MLLT3: variants seen among roughly 807,000 people sequenced by gnomAD.
The protein encoded by MLLT3 is protein AF-9.
Under a neutral mutation model 53.2 loss-of-function variants are expected in MLLT3, and 4 were observed. The observed-to-expected ratio is 0.08, with a 90% CI of 0.04 to 0.17. The LOEUF (loss-of-function observed/expected upper bound fraction) is 0.17, where lower values mean the gene tolerates loss of function less well. Among genes scored for constraint, MLLT3 ranks in the 10% least tolerant of loss-of-function variants. MLLT3 has a pLI of 1.00. For synonymous variants in MLLT3, 283 were observed against 230.6 expected (o/e 1.23, Z -2.06); for missense variants, 569 against 684.0 (o/e 0.83, Z 1.87).
chr9:20,411,695 T>C (rs1822732199), intron 5 of MLLT3: 3 of 152,190 alleles, frequency 2.0e-5, no homozygotes, highest in Admixed American at 6.5e-5. Flanking sequence ...CTTTTCAAGG[T>C]ATACTTTGAA....
intron 2 of MLLT3, among the ~76,000 whole-genome samples, chr9:20,593,961 G>A (rs1820189083): frequency 6.8e-6 from 1 of 146,098 alleles, no homozygotes; most frequent in Non-Finnish European, 1.5e-5. Flanking sequence ...TTTTTTCTGA[G>A]AGGGAGTCTT....
intron 2 of MLLT3, among the ~76,000 whole-genome samples, chr9:20,548,049 G>A: frequency 6.6e-6 from 1 of 152,142 alleles, no homozygotes; most frequent in East Asian, 1.9e-4. Flanking sequence ...CTTGTATCTA[G>A]AGTCCAAAAA....
At chr9:20,444,082 T>C (rs1244091483) in intron 4 of MLLT3, among the ~76,000 whole-genome samples, 1 of 152,226 alleles carries the variant, frequency 6.6e-6, no homozygotes, top group Non-Finnish European at 1.5e-5. Flanking sequence ...AAAGCTCATC[T>C]TCTTTCATCT....
chr9:20,494,762 T>C (rs1472367166), intron 2 of MLLT3, among the ~76,000 whole-genome samples: 1 of 152,170 alleles, frequency 6.6e-6, no homozygotes, highest in Non-Finnish European at 1.5e-5. Context: ...CTGTTCAAAA[T>C]TACTCAAGGT....
intron 2 of MLLT3, among the ~76,000 whole-genome samples, chr9:20,615,273 G>A (rs1049579649): frequency 1.4e-5 from 2 of 147,120 alleles, no homozygotes; most frequent in Admixed American, 7.0e-5. Flanking sequence ...GGAGATGGGA[G>A]GATGGCTTGA....
intron 2 of MLLT3, among the ~76,000 whole-genome samples, chr9:20,466,168 A>AT (rs79114844): frequency 0.092 from 13,956 of 152,108 alleles, 882 homozygotes; most frequent in East Asian, 0.29. Context: ...TGGATTTTAG[A>AT]TTTTTTAGGA....
intron 2 of MLLT3, among the ~76,000 whole-genome samples, chr9:20,527,309 A>G (rs565268547): frequency 1.3e-5 from 2 of 152,334 alleles, no homozygotes; most frequent in East Asian, 3.9e-4. Flanking sequence ...AATTCAACTC[A>G]GAATGAGCCT....
At chr9:20,521,250 T>C (rs1327490817) in intron 2 of MLLT3, among the ~76,000 whole-genome samples, 1 of 152,124 alleles carries the variant, frequency 6.6e-6, no homozygotes, top group African/African-American at 2.4e-5. Context: ...TTTGTACTTT[T>C]AGCAGTGATG....
At chr9:20,372,508 C>T (rs1482242224) in intron 5 of MLLT3, among the ~76,000 whole-genome samples, 7 of 151,798 alleles carry the variant, frequency 4.6e-5, no homozygotes, top group East Asian at 1.9e-4. Context: ...CTGCCTCAGC[C>T]TCCTGAGTAG....
intron 2 of MLLT3, among the ~76,000 whole-genome samples, chr9:20,502,018 T>A (rs529203927): frequency 1.5e-5 from 2 of 134,494 alleles, no homozygotes; most frequent in African/African-American, 5.5e-5. Flanking sequence ...GAGGCGGAGG[T>A]TGCAGTAAGC....
chr9:20,390,200 T>A (rs570535329), intron 5 of MLLT3, among the ~76,000 whole-genome samples: 2 of 152,262 alleles, frequency 1.3e-5, no homozygotes, highest in Non-Finnish European at 2.9e-5. Context: ...TAGAAAAATA[T>A]GTTGAGATAT....
At chr9:20,361,755 T>A (rs1821327143) in intron 7 of MLLT3, among the ~76,000 whole-genome samples, 1 of 152,198 alleles carries the variant, frequency 6.6e-6, no homozygotes, top group Non-Finnish European at 1.5e-5. Flanking sequence ...CTGAATGTAG[T>A]CCTCCCTCAG....
At chr9:20,534,859 C>T (rs1015884503) in intron 2 of MLLT3, among the ~76,000 whole-genome samples, 17 of 151,714 alleles carry the variant, frequency 1.1e-4, no homozygotes, top group African/African-American at 4.1e-4. Context: ...GCACTCTAGC[C>T]TGGGGGACAG....
intron 5 of MLLT3, among the ~76,000 whole-genome samples, chr9:20,393,990 A>G (rs889408321): frequency 6.6e-6 from 1 of 152,230 alleles, no homozygotes; most frequent in African/African-American, 2.4e-5. Context: ...TATCTAAAAA[A>G]GATTTACAGT....
Position 20,622,384 on chromosome 9 carries a change from G to T in MLLT3, c.-128C>A. 1.2e-6 allele frequency: 1 copy of T among 838,378 alleles called. No individual in the cohort carries two copies. The highest frequency in any genetic ancestry group is 1.8e-6 in the Non-Finnish European group (1 of 557,938). 51.9% of individuals were successfully genotyped at this position (838,378 alleles called of 1,614,324 possible). On this transcript the variant is annotated 5_prime_UTR_variant, in exon 1 of 11. Transcript: ENST00000380338. The stretch of plus-strand genomic sequence containing the variant: ...GCCCAGGAGCGGAGGGTAGATGGCG[G>T]ACATTCTCTGCCTTTTTCCCCCCGC...
At chr9:20,591,832 C>A (rs1168201626) in intron 2 of MLLT3, among the ~76,000 whole-genome samples, 1 of 151,982 alleles carries the variant, frequency 6.6e-6, no homozygotes, top group African/African-American at 2.4e-5. Flanking sequence ...AATTAATTCC[C>A]AAATGGAAAA....
At chr9:20,546,107 C>T (rs1818780599) in intron 2 of MLLT3, among the ~76,000 whole-genome samples, 1 of 152,056 alleles carries the variant, frequency 6.6e-6, no homozygotes, top group South Asian at 2.1e-4. Flanking sequence ...AATATTATTT[C>T]CAGATGATTT....
At chr9:20,470,267 G>T (rs868676763) in intron 2 of MLLT3, among the ~76,000 whole-genome samples, 5 of 151,884 alleles carry the variant, frequency 3.3e-5, no homozygotes, top group South Asian at 2.1e-4. Flanking sequence ...AGAAAAAAAT[G>T]TTTATCACGT....
At chr9:20,594,231 G>A (rs547894096) in intron 2 of MLLT3, among the ~76,000 whole-genome samples, 155 of 152,094 alleles carry the variant, frequency 1.0e-3, no homozygotes, top group East Asian at 6.6e-3. Context: ...ATAAGACACC[G>A]TGCCCAACCA....
Sources: allele counts gnomAD v4.1 joint callset (sites outside exome capture counted in the v4.1 genomes callset), GRCh38; gene constraint gnomAD v4.1.1; transcripts MANE v1.5; gene names NCBI Gene and HGNC (gene_info 2026-07-23, HGNC 2026-07-21).